Variants in NTM observed in about 807,000 individuals in gnomAD.
NTM encodes IgLON family member 2.
Under a neutral mutation model 42.1 loss-of-function variants are expected in NTM, and 13 were observed. The ratio of observed to expected loss-of-function variants is 0.31; its 90% CI spans 0.20 to 0.49. The LOEUF (loss-of-function observed/expected upper bound fraction) is 0.49, where lower values mean the gene tolerates loss of function less well. Ranked by LOEUF, NTM falls within the 20% of genes least tolerant of loss-of-function variation. NTM has a pLI of 0.99. For missense variants in NTM, 373 were observed against 452.8 expected (o/e 0.82, Z 1.60); for synonymous variants, 187 against 179.2 (o/e 1.04, Z -0.35).
intron 1 of NTM, among the ~76,000 whole-genome samples, chr11:131,421,074 A>G (rs753939065): frequency 5.9e-5 from 9 of 152,156 alleles, no homozygotes; most frequent in Non-Finnish European, 1.3e-4. Context: ...CGGGTGTGAG[A>G]TGGGCTGGAA....
chr11:132,195,524 G>C (rs2080059655), intron 3 of NTM, among the ~76,000 whole-genome samples: 1 of 148,408 alleles, frequency 6.7e-6, no homozygotes, highest in African/African-American at 2.5e-5. Context: ...AAAGAACAAA[G>C]CCAGAGGCAT....
intron 2 of NTM, among the ~76,000 whole-genome samples, chr11:131,948,603 T>A (rs2060633377): frequency 6.6e-6 from 1 of 152,164 alleles, no homozygotes; most frequent in Non-Finnish European, 1.5e-5. Flanking sequence ...GTTCAGCCCT[T>A]TAGCCACAGG....
intron 2 of NTM, among the ~76,000 whole-genome samples, chr11:132,131,371 T>A (rs915769657): frequency 1.3e-5 from 2 of 152,184 alleles, no homozygotes; most frequent in Non-Finnish European, 2.9e-5. Flanking sequence ...CCTGTGATAA[T>A]GAACTAGGTA....
At chr11:131,474,968 G>T (rs918691469) in intron 1 of NTM, among the ~76,000 whole-genome samples, 1 of 152,188 alleles carries the variant, frequency 6.6e-6, no homozygotes, top group Admixed American at 6.5e-5. Flanking sequence ...TAGCCTCATT[G>T]CCTGCCCTTG....
At chr11:131,753,960 T>G (rs1440284475) in intron 1 of NTM, among the ~76,000 whole-genome samples, 1 of 151,480 alleles carries the variant, frequency 6.6e-6, no homozygotes, top group Admixed American at 6.6e-5. Context: ...CCATAAAAAG[T>G]GATGAGTTCT....
At chr11:131,531,012 C>T (rs1344573776) in intron 1 of NTM, among the ~76,000 whole-genome samples, 2 of 152,174 alleles carry the variant, frequency 1.3e-5, no homozygotes, top group Non-Finnish European at 2.9e-5. Flanking sequence ...TCAGTGCCTG[C>T]CACGAGCAAC....
chr11:132,044,226 C>T (rs2077666923), intron 2 of NTM, among the ~76,000 whole-genome samples: 1 of 152,020 alleles, frequency 6.6e-6, no homozygotes, highest in Non-Finnish European at 1.5e-5. Context: ...CTACCTACCA[C>T]AAGGTCATTC....
At chr11:132,076,778 T>C (rs1001947680) in intron 2 of NTM, among the ~76,000 whole-genome samples, 1 of 152,220 alleles carries the variant, frequency 6.6e-6, no homozygotes, top group African/African-American at 2.4e-5. Flanking sequence ...TGCATAGGGC[T>C]ACATTGAAGA....
chr11:131,692,110 G>A (rs182862147), intron 1 of NTM, among the ~76,000 whole-genome samples: 34 of 152,256 alleles, frequency 2.2e-4, no homozygotes, highest in Non-Finnish European at 3.8e-4. Context: ...GACACTTCGC[G>A]GTTCTTTACA....
At chr11:131,873,682 C>CATATATATACACAT (rs1565658415) in intron 1 of NTM, among the ~76,000 whole-genome samples, 2 of 110,318 alleles carry the variant, frequency 1.8e-5, no homozygotes, top group African/African-American at 6.8e-5. Context: ...TATATACACA[C>CATATATATACACAT]ATATATATAC....
At chr11:131,901,058 T>C (rs1403194394) in intron 1 of NTM, among the ~76,000 whole-genome samples, 1 of 152,220 alleles carries the variant, frequency 6.6e-6, no homozygotes, top group Non-Finnish European at 1.5e-5. Flanking sequence ...AAAAGAATAA[T>C]CAGTAGCAAC....
At chr11:131,919,456 A>G (rs1451641283) in intron 2 of NTM, among the ~76,000 whole-genome samples, 2 of 152,192 alleles carry the variant, frequency 1.3e-5, no homozygotes, top group African/African-American at 4.8e-5. Context: ...GCAACGGGGA[A>G]GTTTACTAGG....
intron 1 of NTM, among the ~76,000 whole-genome samples, chr11:131,744,308 T>A (rs376598073): frequency 1.2e-4 from 19 of 152,374 alleles, no homozygotes; most frequent in African/African-American, 3.8e-4. Flanking sequence ...TTTATTCTTG[T>A]AGACTATATT....
At chr11:131,947,289 A>G (rs1413968889) in intron 2 of NTM, among the ~76,000 whole-genome samples, 1 of 152,050 alleles carries the variant, frequency 6.6e-6, no homozygotes, top group Admixed American at 6.6e-5. Context: ...CCTGGTATTG[A>G]GGGACTGGGT....
At chr11:131,564,530 T>G (rs2137028603) in intron 1 of NTM, among the ~76,000 whole-genome samples, 1 of 152,218 alleles carries the variant, frequency 6.6e-6, no homozygotes, top group East Asian at 1.9e-4. Flanking sequence ...CCAGCTTTTT[T>G]GAGGTATTGT....
At chr11:132,285,288 T>C (rs1489609377) in intron 4 of NTM, among the ~76,000 whole-genome samples, 1 of 152,136 alleles carries the variant, frequency 6.6e-6, no homozygotes, top group Non-Finnish European at 1.5e-5. Flanking sequence ...CCACCAGCCT[T>C]CCTCTCCACC....
chr11:131,817,653 G>A (rs1020343467), intron 1 of NTM, among the ~76,000 whole-genome samples: 2 of 152,238 alleles, frequency 1.3e-5, no homozygotes, highest in Non-Finnish European at 2.9e-5. Context: ...ATATACAAAG[G>A]TTTTCCTGGG....
chr11:132,043,447 G>A (rs544204353), intron 2 of NTM, among the ~76,000 whole-genome samples: 4 of 152,322 alleles, frequency 2.6e-5, no homozygotes, highest in African/African-American at 9.6e-5. Context: ...AGCTCATCAA[G>A]CCCCTTCCTG....
intron 2 of NTM, among the ~76,000 whole-genome samples, chr11:132,088,454 A>G (rs2060003343): frequency 6.6e-6 from 1 of 152,208 alleles, no homozygotes; most frequent in Admixed American, 6.5e-5. Flanking sequence ...AATTAGGTAC[A>G]TGGACACACT....
Sources: gnomAD v4.1 joint callset for allele counts (sites outside exome capture counted in the v4.1 genomes callset) on GRCh38, gnomAD v4.1.1 for gene constraint, MANE v1.5 for transcripts, NCBI Gene and HGNC (gene_info 2026-07-23, HGNC 2026-07-21) for gene names.